FRMPD2: variants seen among roughly 807,000 people sequenced by gnomAD.
FRMPD2 encodes FERM and PDZ domain-containing protein 2.
Under a neutral mutation model 140.1 loss-of-function variants are expected in FRMPD2, and 96 were observed. The ratio of observed to expected loss-of-function variants is 0.69; its 90% confidence interval spans 0.58 to 0.81. FRMPD2 has a LOEUF of 0.81. FRMPD2 is among the 40% of genes least tolerant of loss of function. FRMPD2 has a pLI of 0.00. For synonymous variants in FRMPD2, 449 were observed against 547.6 expected (o/e 0.82, Z 2.52); for missense variants, 1,240 against 1,447.4 (o/e 0.86, Z 2.32).
chr10:48,209,862 TA>T (rs1227186362), intron 13 of FRMPD2, among the ~76,000 whole-genome samples: 1 of 152,244 alleles, frequency 6.6e-6, no homozygotes, highest in African/African-American at 2.4e-5. Flanking sequence ...GGAAACCATT[TA>T]TATGTTAAAC....
At chr10:48,251,533 C>T in intron 2 of FRMPD2, 33 bp downstream of exon 2, 3 of 1,611,034 alleles carry the variant, frequency 1.9e-6, no homozygotes, top group Non-Finnish European at 8.5e-7. Flanking sequence ...ATACAACTCC[C>T]TGTGATTTGA....
rs114689805 is a variant in FRMPD2, at chr10:48,203,339, A to C, written c.1798-1955T>G. Among the ~76,000 whole-genome samples, 465 of 152,292 alleles carry C rather than the reference A, an allele frequency of 3.1e-3. 2 individuals are homozygous for C. The highest frequency in any genetic ancestry group is 0.011 in the African/African-American group (451 of 41,552). On this transcript the variant is annotated intron_variant, in intron 14 of 28. Transcript: ENST00000374201. Reference sequence around the variant, plus strand: ...TTGACTGTCAAGAGTCTTTTCCATCATTTAATGGAAAATTCTTATCTGCAA... The same window carrying C: ...TTGACTGTCAAGAGTCTTTTCCATCCTTTAATGGAAAATTCTTATCTGCAA...
Position 48,242,092 on chromosome 10 carries a change from A to G in FRMPD2, c.567+69T>C, listed in dbSNP as rs145872135. 4.2e-4 allele frequency: 459 copies of G among 1,094,228 alleles called. 1 individual carries two copies. In the African/African-American group the frequency reaches 6.2e-3, roughly 15 times the overall value. 67.8% of individuals were successfully genotyped at this position (1,094,228 alleles called of 1,614,324 possible). On this transcript the variant is annotated intron_variant, in intron 5 of 28. Coordinates refer to ENST00000374201, the MANE Select transcript of FRMPD2 (RefSeq NM_001018071.4). Reference sequence around the variant, plus strand: ...TTTTATTTTAGTTAATGATAATATAACTAATTCAAATTTTAATAGCCACAC... The same window carrying G: ...TTTTATTTTAGTTAATGATAATATAGCTAATTCAAATTTTAATAGCCACAC...
intron 1 of FRMPD2, among the ~76,000 whole-genome samples, chr10:48,251,975 A>T (rs1840393254): frequency 6.6e-6 from 1 of 152,186 alleles, no homozygotes; most frequent in African/African-American, 2.4e-5. Context: ...AAATAAATGA[A>T]CAACCAAATG....
chr10:48,196,553 G>A (rs1300148857), intron 15 of FRMPD2, among the ~76,000 whole-genome samples: 2 of 152,198 alleles, frequency 1.3e-5, no homozygotes, highest in East Asian at 3.9e-4. Context: ...CCAGTTTCCT[G>A]CAGGGAGGCT....
intron 12 of FRMPD2, among the ~76,000 whole-genome samples, chr10:48,216,385 T>C (rs779628633): frequency 5.9e-5 from 9 of 152,176 alleles, no homozygotes; most frequent in Non-Finnish European, 1.0e-4. Flanking sequence ...TAGACTATTA[T>C]AGGCTCATAG....
chr10:48,269,384 T>C (rs1175465309), intron 1 of FRMPD2, among the ~76,000 whole-genome samples: 1 of 152,082 alleles, frequency 6.6e-6, no homozygotes, highest in African/African-American at 2.4e-5. Flanking sequence ...ATATAGGAAA[T>C]AGGATGCACA....
intron 3 of FRMPD2, among the ~76,000 whole-genome samples, chr10:48,247,794 A>C: frequency 6.6e-6 from 1 of 152,318 alleles, no homozygotes; most frequent in South Asian, 2.1e-4. Flanking sequence ...GAGGCAACTC[A>C]GTGTAGGTGG....
intron 21 of FRMPD2, among the ~76,000 whole-genome samples, chr10:48,179,830 C>T (rs1192724038): frequency 2.0e-5 from 3 of 152,122 alleles, no homozygotes; most frequent in Non-Finnish European, 2.9e-5. Flanking sequence ...GCAAGTTGTC[C>T]CAGCAAGAAT....
chr10:48,251,433 A>T (rs1840378952), intron 2 of FRMPD2, 133 bp downstream of exon 2: 2 of 1,101,094 alleles, frequency 1.8e-6, no homozygotes, highest in Admixed American at 4.3e-5. Context: ...GTAATCACAG[A>T]TCAAGCAGCA....
chr10:48,194,468 G>A (rs531034172), intron 15 of FRMPD2, among the ~76,000 whole-genome samples: 1 of 152,318 alleles, frequency 6.6e-6, no homozygotes, highest in Non-Finnish European at 1.5e-5. Flanking sequence ...AATCATGATG[G>A]ATATTAATAC....
At chr10:48,222,584 C>T in intron 11 of FRMPD2, 133 bp from the exon 12 acceptor site, 3 of 910,142 alleles carry the variant, frequency 3.3e-6, no homozygotes, top group Non-Finnish European at 5.0e-6. Flanking sequence ...AATTCAGAGG[C>T]AATGCCAGCA....
At chr10:48,161,385 C>CAA (rs532348912) in intron 28 of FRMPD2, among the ~76,000 whole-genome samples, 5 of 143,762 alleles carry the variant, frequency 3.5e-5, no homozygotes, top group Admixed American at 6.9e-5. Context: ...ATGTTTGATG[C>CAA]AAAAAAAAAA....
rs750001278 is a variant in FRMPD2, at chr10:48,242,232, A to T, written c.496T>A (p.Ser166Thr). The change falls in exon 5 of 29, where the codon TCT (serine) becomes ACT (threonine). Residue 166 changes from serine to threonine, a missense_variant. Ser to Thr is a moderately conservative substitution (Grantham distance 58, BLOSUM62 1). Transcript: ENST00000374201. ...AGACCAGCAGGGGCTGGGTAGACAG[A>T]CACTTCTTTCTCATGAACCCGACAA... The part of the protein sequence containing the change: ...EACRVHEKEV[S>T]VYPAPAGLHI... The T allele has an allele frequency of 1.2e-6, 2 of 1,614,142 alleles. No homozygotes were observed. Among genetic ancestry groups the T allele is most frequent in the South Asian group, 2.2e-5 (2 of 91,074 alleles).
chr10:48,244,003 G>T (rs1320011772), intron 4 of FRMPD2, among the ~76,000 whole-genome samples: 1 of 152,194 alleles, frequency 6.6e-6, no homozygotes, highest in Non-Finnish European at 1.5e-5. Flanking sequence ...TTGAGACAGG[G>T]TTTTGCTCTG....
chr10:48,251,142 T>C (rs1757428891), intron 2 of FRMPD2, among the ~76,000 whole-genome samples: 1 of 152,172 alleles, frequency 6.6e-6, no homozygotes, highest in Non-Finnish European at 1.5e-5. Flanking sequence ...GTGCAACATC[T>C]GGTGGACAGA....
chr10:48,274,530 T>C lies in FRMPD2; in HGVS notation c.25+13A>G. 6.2e-7 allele frequency: 1 copy of C among 1,613,778 alleles called. No individual in the cohort carries two copies. The highest frequency in any genetic ancestry group is 8.5e-7 in the Non-Finnish European group (1 of 1,179,664). On this transcript the variant is annotated intron_variant, in intron 1 of 28. Transcript: ENST00000374201. ...AGATTTATAGGAGAAAACTGAATGA[T>C]GCCAAGGAATACCTGCGTCCTTCGT...
At chr10:48,191,488 A>G (rs1838829156) in intron 16 of FRMPD2, among the ~76,000 whole-genome samples, 1 of 152,238 alleles carries the variant, frequency 6.6e-6, no homozygotes, top group African/African-American at 2.4e-5. Context: ...ACACAGCAAT[A>G]GATGCTCGAA....
intron 8 of FRMPD2, among the ~76,000 whole-genome samples, chr10:48,236,793 G>A (rs370471894): frequency 6.6e-6 from 1 of 152,182 alleles, no homozygotes; most frequent in African/African-American, 2.4e-5. Context: ...GTTGGGTACA[G>A]GGGTGTTCGG....
Sources: allele counts gnomAD v4.1 joint callset (sites outside exome capture counted in the v4.1 genomes callset), GRCh38; gene constraint gnomAD v4.1.1; transcripts MANE v1.5; gene names NCBI Gene and HGNC (gene_info 2026-07-23, HGNC 2026-07-21).